FRMD6: variants seen among roughly 807,000 people sequenced by gnomAD.
The protein encoded by FRMD6 is FERM domain containing 6, also known as FERM domain-containing protein 6.
A neutral mutation model predicts 73.2 loss-of-function variants in FRMD6; 37 were observed. The ratio of observed to expected loss-of-function variants is 0.51; its 90% confidence interval spans 0.39 to 0.66. The LOEUF (loss-of-function observed/expected upper bound fraction) is 0.66. FRMD6 is among the 30% of genes least tolerant of loss of function. The pLI, the probability that FRMD6 is intolerant of heterozygous loss-of-function variation, is 0.00. For missense variants in FRMD6, 714 were observed against 780.5 expected (o/e 0.91, Z 1.02); for synonymous variants, 273 against 282.2 (o/e 0.97, Z 0.33).
At position 51,651,909 on chromosome 14, in the gene FRMD6, AGAGGAGTGGG is replaced by A. The variant is rs1892426477; in HGVS notation, c.-232_-223del. 2.0e-5 allele frequency: 3 copies of A among 151,880 alleles called. No homozygotes were observed. The highest frequency in any genetic ancestry group is 7.3e-5 in the African/African-American group (3 of 41,300). The allele number at this position is 151,880 out of a possible 1,614,324, so 9.4% of individuals were successfully genotyped here. A position where few individuals can be genotyped will look rare whatever the true frequency, so the allele number is the denominator to read the frequency against. ...TCTGGCTGGCGGGGCCAAGGGGCTGAGAGGAGTGGGGCAGGCTCGGCGCCGGTAGGAAGAG... is the reference window on the plus strand; with the variant it reads ...TCTGGCTGGCGGGGCCAAGGGGCTGAGCAGGCTCGGCGCCGGTAGGAAGAG... On this transcript the variant is annotated 5_prime_UTR_variant, in exon 1 of 14. Transcript: ENST00000344768.
At chr14:51,659,095 T>C (rs1481607792) in intron 1 of FRMD6, among the ~76,000 whole-genome samples, 1 of 152,208 alleles carries the variant, frequency 6.6e-6, no homozygotes, top group East Asian at 1.9e-4. Context: ...TAAAATATAA[T>C]GATAGGAATG....
At chr14:51,487,460 A>G (rs1372883863), upstream of FRMD6, among the ~76,000 whole-genome samples, 2 of 152,214 alleles carry the variant, frequency 1.3e-5, no homozygotes, top group African/African-American at 4.8e-5. Flanking sequence ...CACTTGGGGG[A>G]TCTTGTGAAA....
the FRMD6 span, among the ~76,000 whole-genome samples, chr14:51,459,917 T>C: frequency 7.2e-6 from 1 of 138,290 alleles, no homozygotes; most frequent in African/African-American, 2.9e-5. Context: ...AAACTTCGGC[T>C]ATGGCTAATC....
intron 2 of FRMD6, among the ~76,000 whole-genome samples, chr14:51,589,709 A>G (rs1432676541): frequency 6.6e-6 from 1 of 151,924 alleles, no homozygotes; most frequent in Non-Finnish European, 1.5e-5. Context: ...TGTGTCCATG[A>G]CCATGGTCCA....
At chr14:51,678,305 C>T (rs989574481) in intron 1 of FRMD6, among the ~76,000 whole-genome samples, 2 of 152,102 alleles carry the variant, frequency 1.3e-5, no homozygotes, top group East Asian at 1.9e-4. Context: ...CAACTTAGTG[C>T]GTCCCAAACA....
chr14:51,606,045 G>C (rs1890244234), intron 2 of FRMD6, among the ~76,000 whole-genome samples: 1 of 152,196 alleles, frequency 6.6e-6, no homozygotes, highest in African/African-American at 2.4e-5. Flanking sequence ...GCTAGAGAAA[G>C]TGTGTTCTCT....
At chr14:51,497,727 T>C (rs35348658) in intron 1 of FRMD6, among the ~76,000 whole-genome samples, 10,228 of 152,302 alleles carry the variant, frequency 0.067, 486 homozygotes, top group Middle Eastern at 0.12. Context: ...AAACCCAGCA[T>C]GTATTTTACA....
intron 1 of FRMD6, among the ~76,000 whole-genome samples, chr14:51,541,175 A>G (rs1460464525): frequency 6.6e-6 from 1 of 152,126 alleles, no homozygotes; most frequent in Non-Finnish European, 1.5e-5. Flanking sequence ...GCCTGGGACA[A>G]AATAGAGACA....
rs145272157 is a variant in FRMD6 at position 51,657,297 on chromosome 14, G to A, written c.-147+5301G>A. ...AACCAGACAAATGCACAGATCAGGA[G>A]TGTACAGCACAAAATGATCACATTT... On this transcript the variant is annotated intron_variant, in intron 1 of 13. Coordinates refer to ENST00000344768, the MANE Select transcript of FRMD6 (RefSeq NM_001267046.2). Among the ~76,000 whole-genome samples the A allele has an allele frequency of 2.9e-3, 445 of 152,250 alleles. 1 individual carries two copies. The highest frequency in any genetic ancestry group is 5.4e-3 in the Non-Finnish European group (364 of 68,012).
rs549301636 is a variant in FRMD6, at chr14:51,582,092, A to G, written c.-147+11682A>G. Among the ~76,000 whole-genome samples, 11 of 152,310 alleles carry G rather than the reference A, an allele frequency of 7.2e-5. No homozygotes were observed. In the South Asian group the frequency reaches 2.3e-3, roughly 32 times the overall value. On this transcript the variant is annotated intron_variant, in intron 2 of 14. Coordinates refer to the FRMD6 transcript ENST00000356218. ...CCAAGCTTCTAGCATAGGGCTCAAT[A>G]AGTATTTGTGACTACGTCATACATA...
At chr14:51,397,237 G>T in the FRMD6 span, 1 of 152,304 alleles carries the variant, frequency 6.6e-6, no homozygotes, top group Non-Finnish European at 1.5e-5. Flanking sequence ...AACTGAGGCA[G>T]AAAGAGAGCA....
At chr14:51,623,647 C>G (rs1178123423) in intron 2 of FRMD6, among the ~76,000 whole-genome samples, 1 of 152,150 alleles carries the variant, frequency 6.6e-6, no homozygotes, top group African/African-American at 2.4e-5. Context: ...CCTGGAAGAC[C>G]TTTCTAACCA....
intron 11 of FRMD6, among the ~76,000 whole-genome samples, chr14:51,721,379 A>C (rs1357671732): frequency 6.6e-6 from 1 of 152,230 alleles, no homozygotes; most frequent in Non-Finnish European, 1.5e-5. Flanking sequence ...TGGGAGGCCA[A>C]GGCAGGCGGA....
intron 1 of FRMD6, among the ~76,000 whole-genome samples, chr14:51,558,929 A>G (rs927744477): frequency 1.3e-5 from 2 of 152,224 alleles, no homozygotes; most frequent in Admixed American, 6.5e-5. Flanking sequence ...CTTAACTGCT[A>G]TGAGTTAGGA....
intron 11 of FRMD6, among the ~76,000 whole-genome samples, chr14:51,721,744 AAGGG>A (rs1273831014): frequency 5.6e-5 from 5 of 88,548 alleles, no homozygotes; most frequent in African/African-American, 2.1e-4. Flanking sequence ...GGGAGGAAGG[AAGGG>A]AGGAAGGAAG....
rs931942380 is a variant in FRMD6 at position 51,722,173 on chromosome 14, G to A, written c.1492+93G>A. ...AGAAAATAGAAGGGGTGAGCTGGGGGCCCTAGACCAGAGACTGGACTGCAC... is the reference window on the plus strand; with the variant it reads ...AGAAAATAGAAGGGGTGAGCTGGGGACCCTAGACCAGAGACTGGACTGCAC... On this transcript the variant is annotated intron_variant, in intron 12 of 13. Coordinates refer to ENST00000344768, the MANE Select transcript of FRMD6 (RefSeq NM_001267046.2). 15 of 1,392,390 alleles carry A rather than the reference G, an allele frequency of 1.1e-5. No individual in the cohort carries two copies. The African/African-American group carries it at 2.1e-4, about 20-fold the overall frequency. 86.3% of individuals were successfully genotyped at this position (1,392,390 alleles called of 1,614,324 possible).
chr14:51,557,828 G>A (rs1887231562), intron 1 of FRMD6, among the ~76,000 whole-genome samples: 2 of 152,058 alleles, frequency 1.3e-5, no homozygotes, highest in South Asian at 2.1e-4. Context: ...AGGGAGGAGG[G>A]TGAGGTTGGA....
intron 1 of FRMD6, among the ~76,000 whole-genome samples, chr14:51,569,288 A>T (rs1174062762): frequency 6.6e-6 from 1 of 152,228 alleles, no homozygotes; most frequent in East Asian, 1.9e-4. Flanking sequence ...TTGTCAAATA[A>T]ACAGACAACA....
chr14:51,546,008 T>C (rs1886446757), intron 1 of FRMD6, among the ~76,000 whole-genome samples: 1 of 152,184 alleles, frequency 6.6e-6, no homozygotes, highest in Non-Finnish European at 1.5e-5. Context: ...AAATTTAAAA[T>C]ATTCACTCTA....
Sources: allele counts gnomAD v4.1 joint callset (sites outside exome capture counted in the v4.1 genomes callset), GRCh38; gene constraint gnomAD v4.1.1; transcripts MANE v1.5; gene names NCBI Gene and HGNC (gene_info 2026-07-23, HGNC 2026-07-21).